The following MTUS2 variants were observed in gnomAD, a reference collection of about 807,000 sequenced individuals.
The protein encoded by MTUS2 is microtubule associated scaffold protein 2, also known as microtubule-associated tumor suppressor candidate 2.
Under a neutral mutation model 114.1 loss-of-function variants are expected in MTUS2, and 40 were observed. The ratio of observed to expected loss-of-function variants is 0.35; its 90% CI spans 0.27 to 0.46. MTUS2 has a LOEUF of 0.46. Ranked by LOEUF, MTUS2 falls within the 20% of genes least tolerant of loss-of-function variation. The pLI is 1.00. For missense variants in MTUS2, 1,679 were observed against 1,705.4 expected (o/e 0.98, Z 0.27); for synonymous variants, 688 against 672.0 (o/e 1.02, Z -0.37).
At chr13:29,105,175 A>G (rs1890601945) in intron 5 of MTUS2, among the ~76,000 whole-genome samples, 1 of 152,208 alleles carries the variant, frequency 6.6e-6, no homozygotes, top group Non-Finnish European at 1.5e-5. Flanking sequence ...CCAAAGTTCA[A>G]AACAATTCTG....
chr13:28,917,973 G>T (rs1880840853), intron 2 of MTUS2, among the ~76,000 whole-genome samples: 1 of 151,680 alleles, frequency 6.6e-6, no homozygotes, highest in Non-Finnish European at 1.5e-5. Flanking sequence ...TTTCTTCACT[G>T]GTAATTCAGG....
chr13:29,215,404 G>C (rs990165570), intron 5 of MTUS2, among the ~76,000 whole-genome samples: 1 of 150,486 alleles, frequency 6.6e-6, no homozygotes, highest in Non-Finnish European at 1.5e-5. Flanking sequence ...CTGTGCCTGT[G>C]CTGGTGAGGA....
At position 29,345,457 on chromosome 13, in the gene MTUS2, G is replaced by C. The variant is rs4769725; in HGVS notation, c.2906-13805G>C. 2.0e-5 allele frequency among the ~76,000 whole-genome samples: 3 copies of C among 151,234 alleles called. No individual in the cohort carries two copies. The East Asian group carries it at 6.0e-4, about 30-fold the overall frequency. ...TGCTTGTTTGATTCTATTGGTGACA[G>C]TTTCCAGTGTATTTTGCATTTCTCT... is the stretch of plus-strand genomic sequence containing the variant. On this transcript the variant is annotated intron_variant, in intron 7 of 15. Coordinates refer to ENST00000612955, the MANE Select transcript of MTUS2 (RefSeq NM_001033602.4).
chr13:29,006,256 G>T (rs955952744), intron 2 of MTUS2, among the ~76,000 whole-genome samples: 2 of 152,172 alleles, frequency 1.3e-5, no homozygotes, highest in African/African-American at 4.8e-5. Context: ...TGCACCAGAT[G>T]CTGTTAGGAA....
chr13:29,197,944 G>A (rs1251922290), intron 5 of MTUS2, among the ~76,000 whole-genome samples: 1 of 152,172 alleles, frequency 6.6e-6, no homozygotes, highest in Non-Finnish European at 1.5e-5. Flanking sequence ...GTAGATTCTG[G>A]ATATTAGCCC....
At chr13:29,361,824 A>G (rs1329485263) in intron 8 of MTUS2, among the ~76,000 whole-genome samples, 1 of 152,214 alleles carries the variant, frequency 6.6e-6, no homozygotes, top group African/African-American at 2.4e-5. Flanking sequence ...TCTACCAGTT[A>G]GAAGGCCCTG....
intron 2 of MTUS2, among the ~76,000 whole-genome samples, chr13:28,871,160 CAG>C (rs1877595843): frequency 6.6e-6 from 1 of 152,120 alleles, no homozygotes; most frequent in Admixed American, 6.5e-5. Flanking sequence ...TAATAGGACA[CAG>C]TATTTATTTT....
intron 5 of MTUS2, among the ~76,000 whole-genome samples, chr13:29,238,792 G>A (rs1896628454): frequency 1.3e-5 from 2 of 152,240 alleles, no homozygotes; most frequent in South Asian, 4.1e-4. Flanking sequence ...TTGACACTCA[G>A]TATTAACCAT....
chr13:28,906,015 C>G (rs1185519383), intron 2 of MTUS2, among the ~76,000 whole-genome samples: 1 of 151,616 alleles, frequency 6.6e-6, no homozygotes, highest in African/African-American at 2.4e-5. Context: ...TTATCCATTT[C>G]TTTTAGTTTT....
chr13:29,134,602 A>AT (rs1324523427), intron 5 of MTUS2, among the ~76,000 whole-genome samples: 23 of 151,780 alleles, frequency 1.5e-4, no homozygotes, highest in Non-Finnish European at 2.4e-4. Context: ...ATCACGCTTT[A>AT]TTTTTTTGTT....
intron 8 of MTUS2, among the ~76,000 whole-genome samples, chr13:29,366,644 A>G (rs1215189765): frequency 3.3e-5 from 5 of 152,174 alleles, no homozygotes; most frequent in African/African-American, 4.8e-5. Context: ...TTGAAAATAT[A>G]AGTTAGATTA....
At chr13:29,144,985 A>T (rs1418389948) in intron 5 of MTUS2, among the ~76,000 whole-genome samples, 1 of 152,210 alleles carries the variant, frequency 6.6e-6, no homozygotes, top group African/African-American at 2.4e-5. Flanking sequence ...CAGACATGTT[A>T]TTCATCCATT....
chr13:28,966,724 CAAAAAAAAAA>C (rs10597818), intron 2 of MTUS2, among the ~76,000 whole-genome samples: 2 of 82,276 alleles, frequency 2.4e-5, no homozygotes, highest in South Asian at 5.2e-4. Context: ...GACCCTGTCT[CAAAAAAAAAA>C]AAAAAAAAAA....
intron 8 of MTUS2, among the ~76,000 whole-genome samples, chr13:29,415,915 G>A (rs1875625868): frequency 2.6e-5 from 4 of 151,510 alleles, no homozygotes; most frequent in Admixed American, 6.6e-5. Flanking sequence ...TAGCTTGCCA[G>A]ATTTTATTTT....
intron 9 of MTUS2, among the ~76,000 whole-genome samples, chr13:29,453,354 A>G (rs1878874068): frequency 6.6e-6 from 1 of 152,248 alleles, no homozygotes; most frequent in African/African-American, 2.4e-5. Context: ...CCCAGGGATT[A>G]GCACAATGAA....
chr13:29,375,491 C>A (rs1386054602), intron 8 of MTUS2, among the ~76,000 whole-genome samples: 1 of 130,158 alleles, frequency 7.7e-6, no homozygotes, highest in Non-Finnish European at 1.6e-5. Context: ...TGGCAAAAAC[C>A]GCAATCACCT....
chr13:28,984,430 C>G (rs535756886), intron 2 of MTUS2, among the ~76,000 whole-genome samples: 1 of 152,068 alleles, frequency 6.6e-6, no homozygotes, highest in South Asian at 2.1e-4. Flanking sequence ...TTGATGAGAC[C>G]AGATGTGTTT....
chr13:29,319,904 A>T (rs1373439403), intron 6 of MTUS2, among the ~76,000 whole-genome samples: 18 of 152,182 alleles, frequency 1.2e-4, no homozygotes, highest in Admixed American at 1.2e-3. Context: ...GACTCCAGGG[A>T]CTAATAGAGA....
At chr13:29,241,619 A>G (rs1896737934) in intron 5 of MTUS2, among the ~76,000 whole-genome samples, 1 of 152,138 alleles carries the variant, frequency 6.6e-6, no homozygotes, top group Non-Finnish European at 1.5e-5. Context: ...CACATGCTAC[A>G]TTTGATTGCA....
Sources: gnomAD v4.1 joint callset for allele counts (sites outside exome capture counted in the v4.1 genomes callset) on GRCh38, gnomAD v4.1.1 for gene constraint, MANE v1.5 for transcripts, NCBI Gene and HGNC (gene_info 2026-07-23, HGNC 2026-07-21) for gene names.